The following EHHADH variants were observed in gnomAD, a reference collection of about 807,000 sequenced individuals.
EHHADH encodes peroxisomal bifunctional enzyme.
Under a neutral mutation model 64.4 loss-of-function variants are expected in EHHADH, and 48 were observed. That is an observed-to-expected ratio of 0.75 (90% CI 0.59 to 0.95). The LOEUF is 0.95. EHHADH is among the 40% of genes least tolerant of loss of function. EHHADH has a pLI of 0.00. For missense variants in EHHADH, 854 were observed against 876.6 expected (o/e 0.97, Z 0.33); for synonymous variants, 308 against 326.7 (o/e 0.94, Z 0.62).
chr3:185,201,088 G>T (rs1317397975), intron 6 of EHHADH, among the ~76,000 whole-genome samples: 2 of 152,190 alleles, frequency 1.3e-5, no homozygotes, highest in African/African-American at 2.4e-5. Context: ...GATATGAGGT[G>T]GTGGTGGTAG....
chr3:185,208,071 GT>G (rs1718443568), intron 5 of EHHADH, among the ~76,000 whole-genome samples: 1 of 152,212 alleles, frequency 6.6e-6, no homozygotes, highest in Non-Finnish European at 1.5e-5. Flanking sequence ...TCTAGATTAG[GT>G]TACAAAAAGA....
chr3:185,228,233 C>CAAAAAAAA (rs559959272), intron 4 of EHHADH, among the ~76,000 whole-genome samples: 2 of 12,686 alleles, frequency 1.6e-4, no homozygotes, highest in Non-Finnish European at 2.5e-4. Flanking sequence ...GACTCCGTCT[C>CAAAAAAAA]AAAAAAAAAA....
intron 4 of EHHADH, among the ~76,000 whole-genome samples, chr3:185,226,646 T>A: frequency 2.1e-5 from 1 of 46,894 alleles, no homozygotes; most frequent in African/African-American, 7.1e-5. Context: ...TGAAACTCCA[T>A]CTCCAAAAAA....
In EHHADH at chr3:185,192,465, G is replaced by T. The variant is rs761890646; in HGVS notation, c.1933C>A (p.His645Asn). Residue 645 changes from histidine (H) to asparagine (N), a missense_variant, in exon 7 of 7, where the codon CAC becomes AAC. By Grantham distance (68) the His-to-Asn change is moderately conservative (BLOSUM62 1). Coordinates refer to ENST00000231887, the MANE Select transcript of EHHADH (RefSeq NM_001966.4). The part of the protein sequence containing the change: ...LGEGIAASPE[H>N]IDVVYLHGYG... Reference sequence around the variant, plus strand: ...CCATGTAAATAGACAACATCAATGTGCTCTGGGCTAGCAGCTATCCCTTCT... The same window carrying T: ...CCATGTAAATAGACAACATCAATGTTCTCTGGGCTAGCAGCTATCCCTTCT... 3.1e-6 allele frequency: 5 copies of T among 1,614,212 alleles called. No individual in the cohort carries two copies. Among genetic ancestry groups the T allele is most frequent in the Non-Finnish European group, 3.4e-6 (4 of 1,180,044 alleles).
intron 6 of EHHADH, among the ~76,000 whole-genome samples, chr3:185,194,518 A>C (rs1718001300): frequency 6.6e-6 from 1 of 152,016 alleles, no homozygotes; most frequent in Non-Finnish European, 1.5e-5. Context: ...AGGCTGAGGC[A>C]GGAGAATCAC....
intron 3 of EHHADH, among the ~76,000 whole-genome samples, chr3:185,232,707 C>T (rs555563424): frequency 6.6e-6 from 1 of 152,280 alleles, no homozygotes; most frequent in East Asian, 1.9e-4. Flanking sequence ...CTTGGCCTCC[C>T]AAAGTGCTGG....
In EHHADH at chr3:185,240,226, T is replaced by G. The variant is rs552462474; in HGVS notation, c.179-4764A>C. On this transcript the variant is annotated intron_variant, in intron 2 of 6. Transcript: ENST00000231887. ...AGTTATATTGGCCTTTAGTTTTTGT[T>G]TTTTTTTTTTCTTGTGTCCTTGCCT... Among the ~76,000 whole-genome samples the G allele has an allele frequency of 6.7e-3, 1,015 of 150,824 alleles. 11 individuals carry two copies. Among genetic ancestry groups the G allele is most frequent in the African/African-American group, 0.023 (944 of 41,258 alleles).
At chr3:185,221,707 G>T (rs910619237) in intron 4 of EHHADH, among the ~76,000 whole-genome samples, 7 of 150,714 alleles carry the variant, frequency 4.6e-5, no homozygotes. Context: ...CGAGTAGTTG[G>T]TACTACAGGC....
At chr3:185,217,470 C>T (rs1718710406) in intron 5 of EHHADH, among the ~76,000 whole-genome samples, 1 of 145,530 alleles carries the variant, frequency 6.9e-6, no homozygotes, top group African/African-American at 2.5e-5. Context: ...CACTTGAACC[C>T]AGGAGGCAGA....
In EHHADH at chr3:185,196,729, C is replaced by T. The variant is rs925437096; in HGVS notation, c.911-3242G>A. ...AAGTTAAAGAAGCCAGGGCCGGACA[C>T]GGTGGCTCATGCCTGTAATCCCAGC... On this transcript the variant is annotated intron_variant, in intron 6 of 6. Transcript: ENST00000231887. 7.2e-5 allele frequency among the ~76,000 whole-genome samples: 11 copies of T among 152,054 alleles called. 1 individual carries two copies. The highest frequency in any genetic ancestry group is 6.2e-4 in the South Asian group (3 of 4,826).
At position 185,252,959 on chromosome 3, in the gene EHHADH, A is replaced by C. The variant is rs147347784; in HGVS notation, c.74+990T>G. Among the ~76,000 whole-genome samples, 463 of 152,256 alleles carry C rather than the reference A, an allele frequency of 3.0e-3. 3 individuals are homozygous for C. The highest frequency in any genetic ancestry group is 0.01 in the African/African-American group (416 of 41,558). On this transcript the variant is annotated intron_variant, in intron 1 of 6. Transcript: ENST00000231887. ...TTTTTTTAAGAGATGTAGAAGGACC[A>C]AACCAAATAATCATTACTTTTCAAA...
Position 185,204,409 on chromosome 3 carries a change from G to C in EHHADH, c.910+7C>G. On this transcript the variant is annotated splice_region_variant and intron_variant, in intron 6 of 6. Coordinates refer to ENST00000231887, the MANE Select transcript of EHHADH (RefSeq NM_001966.4). ...GGAGGATTCCATTCATTACCCCATG[G>C]TCTTACCAACAACACCAACTGAGGA... The C allele has an allele frequency of 1.9e-6, 3 of 1,592,938 alleles. No homozygotes were observed. Among genetic ancestry groups the C allele is most frequent in the Non-Finnish European group, 1.7e-6 (2 of 1,170,050 alleles).
chr3:185,202,193 C>T (rs1384670909), intron 6 of EHHADH, among the ~76,000 whole-genome samples: 1 of 152,088 alleles, frequency 6.6e-6, no homozygotes, highest in East Asian at 1.9e-4. Context: ...CAAAAATCAG[C>T]CAGGCTTGGT....
chr3:185,205,901 GT>G (rs1718375635), intron 5 of EHHADH, among the ~76,000 whole-genome samples: 1 of 152,128 alleles, frequency 6.6e-6, no homozygotes, highest in Non-Finnish European at 1.5e-5. Flanking sequence ...GGTCTGAGAT[GT>G]GCAAGCACCA....
rs879065101 is a variant in EHHADH, at chr3:185,253,236, T to TA, written c.74+712dup. 6.8e-3 allele frequency: 638 copies of TA among 93,868 alleles called. 5 individuals carry two copies. The highest frequency in any genetic ancestry group is 0.028 in the East Asian group (88 of 3,172). 5.8% of individuals were successfully genotyped at this position (93,868 alleles called of 1,614,324 possible). On this transcript the variant is annotated intron_variant, in intron 1 of 6. Transcript: ENST00000231887. ...CTGGCATTAGTGGGACTTTTAACAT[T>TA]AAAAAAAAAAAAAAAAAAAGTCCCA...
At chr3:185,229,906 C>T (rs62288665) in intron 3 of EHHADH, among the ~76,000 whole-genome samples, 21,284 of 152,092 alleles carry the variant, frequency 0.14, 2,341 homozygotes, top group African/African-American at 0.3. Flanking sequence ...AGAGAATATA[C>T]ATATCTTACA....
chr3:185,237,581 T>G (rs1170932711), intron 2 of EHHADH, among the ~76,000 whole-genome samples: 1 of 152,182 alleles, frequency 6.6e-6, no homozygotes, highest in Non-Finnish European at 1.5e-5. Flanking sequence ...ACGTCAAATG[T>G]TATAGAATGC....
At chr3:185,226,582 G>A (rs1352738605) in intron 4 of EHHADH, among the ~76,000 whole-genome samples, 4 of 149,590 alleles carry the variant, frequency 2.7e-5, no homozygotes, top group African/African-American at 9.9e-5. Context: ...CCAGGAGATG[G>A]AAGTTACAGT....
At chr3:185,208,969 C>CA (rs1718468850) in intron 5 of EHHADH, among the ~76,000 whole-genome samples, 1 of 152,070 alleles carries the variant, frequency 6.6e-6, no homozygotes, top group African/African-American at 2.4e-5. Context: ...ATCCAAGGTC[C>CA]AAAAAATGCA....
Sources: allele counts gnomAD v4.1 joint callset (sites outside exome capture counted in the v4.1 genomes callset), GRCh38; gene constraint gnomAD v4.1.1; transcripts MANE v1.5; gene names NCBI Gene and HGNC (gene_info 2026-07-23, HGNC 2026-07-21).